TMCO4: variants seen among roughly 807,000 people sequenced by gnomAD.
TMCO4 encodes the protein transmembrane and coiled-coil domain-containing protein 4.
Under a neutral mutation model 64.7 loss-of-function variants are expected in TMCO4, and 58 were observed. The observed-to-expected ratio is 0.90, with a 90% confidence interval of 0.73 to 1.12. TMCO4 has a LOEUF of 1.12. Among genes scored for constraint, TMCO4 ranks in the 50% most tolerant of loss-of-function variants. The probability of loss-of-function intolerance (pLI) is 0.00; values close to 1 mark genes in which losing one functional copy is unlikely to be tolerated. For missense variants in TMCO4, 780 were observed against 825.9 expected, an observed-to-expected ratio of 0.94 and a Z score of 0.68; for synonymous variants, 325 against 346.1, an observed-to-expected ratio of 0.94 and a Z score of 0.68.
chr1:19,718,335 A>AAAAT (rs1557505629), intron 13 of TMCO4, among the ~76,000 whole-genome samples: 8 of 151,166 alleles, frequency 5.3e-5, no homozygotes, highest in South Asian at 2.1e-4. Context: ...ACTCCATCTC[A>AAAAT]AAATAAATAA....
intron 10 of TMCO4, among the ~76,000 whole-genome samples, chr1:19,744,540 C>T (rs1034643124): frequency 6.6e-6 from 1 of 152,156 alleles, no homozygotes; most frequent in Non-Finnish European, 1.5e-5. Flanking sequence ...TTGCTCTCTT[C>T]CACTTGCTCT....
At chr1:19,700,242 G>A (rs2095262893) in intron 14 of TMCO4, among the ~76,000 whole-genome samples, 1 of 152,084 alleles carries the variant, frequency 6.6e-6, no homozygotes, top group Admixed American at 6.6e-5. Context: ...TCTGGCTGGA[G>A]GGTCTGTCAC....
Position 19,742,170 on chromosome 1 carries a change from C to T in TMCO4, c.878-1229G>A, listed in dbSNP as rs78282940. On this transcript the variant is annotated intron_variant, in intron 10 of 15. Coordinates refer to ENST00000294543, the MANE Select transcript of TMCO4 (RefSeq NM_181719.7). ...GATTCCAGTCCAATCGCCTCTTCCA[C>T]GGGGAAGCCTTCCCGGCTCCTCTGA... Among the ~76,000 whole-genome samples, 1,078 of 152,272 alleles carry T rather than the reference C, an allele frequency of 7.1e-3. 11 individuals are homozygous for T. Among genetic ancestry groups the T allele is most frequent in the African/African-American group, 0.024 (978 of 41,548 alleles).
At chr1:19,771,749 C>T (rs1232306390) in intron 4 of TMCO4, among the ~76,000 whole-genome samples, 4 of 152,112 alleles carry the variant, frequency 2.6e-5, no homozygotes, top group Non-Finnish European at 4.4e-5. Flanking sequence ...CTCTGCCTCC[C>T]GGGTTCAAGT....
chr1:19,795,079 C>T (rs1206701091), intron 2 of TMCO4, among the ~76,000 whole-genome samples: 3 of 151,788 alleles, frequency 2.0e-5, no homozygotes, highest in African/African-American at 7.3e-5. Flanking sequence ...TGTTGCACAA[C>T]GATGTGAATA....
intron 13 of TMCO4, among the ~76,000 whole-genome samples, chr1:19,710,878 T>C (rs966074738): frequency 2.6e-5 from 4 of 152,224 alleles, no homozygotes; most frequent in Non-Finnish European, 2.9e-5. Context: ...GCCAAGAGCA[T>C]GTGGCCTTTT....
chr1:19,790,057 GA>G (rs545785612), intron 2 of TMCO4, among the ~76,000 whole-genome samples: 3,334 of 85,352 alleles, frequency 0.039, 110 homozygotes, highest in African/African-American at 0.11. Flanking sequence ...CTCTGCCTCA[GA>G]AAAAAAAAAA....
At chr1:19,723,377 T>G (rs1464816986) in intron 13 of TMCO4, among the ~76,000 whole-genome samples, 1 of 152,202 alleles carries the variant, frequency 6.6e-6, no homozygotes, top group Non-Finnish European at 1.5e-5. Context: ...TCGATGCCAC[T>G]GGCCAGGACC....
At chr1:19,738,115 G>C (rs2095463809) in intron 12 of TMCO4, 1 of 152,376 alleles carries the variant, frequency 6.6e-6, no homozygotes, top group Non-Finnish European at 1.5e-5. Flanking sequence ...AAGGAGAGGA[G>C]GGGAGTGGAT....
At chr1:19,740,136 T>C (rs2095472645) in intron 11 of TMCO4, among the ~76,000 whole-genome samples, 176 bp from the exon 12 acceptor site, 1 of 152,204 alleles carries the variant, frequency 6.6e-6, no homozygotes, top group East Asian at 1.9e-4. Flanking sequence ...TTCTGATATA[T>C]GGACTCAATC....
chr1:19,745,557 C>T lies in TMCO4; in HGVS notation c.852G>A (p.Thr284=), dbSNP rs373031145. The change falls in exon 10 of 16, where the codon ACG becomes ACA. Residue 284 remains threonine (T), a synonymous_variant. Transcript: ENST00000294543. ...GRQLHITIAV[T]GWLASGKYRT... is the part of the protein sequence containing the mutation. ...GGTATTTGCCAGAAGCGAGCCACCC[C>T]GTGACGGCGATGGTGATGTGCAGCT... The T allele has an allele frequency of 2.9e-5, 47 of 1,614,162 alleles. No homozygotes were observed. Among genetic ancestry groups the T allele is most frequent in the African/African-American group, 6.7e-5 (5 of 75,048 alleles).
chr1:19,698,298 G>A (rs573425959), intron 14 of TMCO4, among the ~76,000 whole-genome samples: 8 of 152,312 alleles, frequency 5.3e-5, no homozygotes, highest in East Asian at 3.9e-4. Context: ...CAAGGAGCCC[G>A]CCTGAGGACT....
At position 19,799,907 on chromosome 1, in the gene TMCO4, CCT is replaced by C. The variant is rs1436071276; in HGVS notation, c.-234_-233del. On this transcript the variant is annotated 5_prime_UTR_variant, in exon 1 of 16. Transcript: ENST00000294543. ...GAGGCGGCAAAACCGGCGAGCGGCT[CCT>C]CCCGCCCGGCCCGGCCCGGCCCCTC... The C allele has an allele frequency of 6.6e-6, 1 of 151,836 alleles. No homozygotes were observed. Among genetic ancestry groups the C allele is most frequent in the Non-Finnish European group, 1.5e-5 (1 of 67,714 alleles). The allele number at this position is 151,836 out of a possible 1,614,324, so 9.4% of individuals were successfully genotyped here.
intron 6 of TMCO4, among the ~76,000 whole-genome samples, chr1:19,767,231 C>T (rs1455212973): frequency 1.3e-5 from 2 of 152,132 alleles, no homozygotes; most frequent in Non-Finnish European, 2.9e-5. Flanking sequence ...TCGGTTTGTT[C>T]ATCTGTAAAG....
chr1:19,690,070 A>C (rs2095180001), intron 15 of TMCO4, among the ~76,000 whole-genome samples: 1 of 152,182 alleles, frequency 6.6e-6, no homozygotes, highest in African/African-American at 2.4e-5. Context: ...AGACTCAGCC[A>C]CATTGTGGGG....
intron 13 of TMCO4, among the ~76,000 whole-genome samples, chr1:19,704,133 C>G (rs1301291606): frequency 6.6e-6 from 1 of 152,212 alleles, no homozygotes; most frequent in Non-Finnish European, 1.5e-5. Context: ...ACCAAGCTCT[C>G]TGAGTTCCCC....
chr1:19,703,650 C>T (rs1433700249), intron 13 of TMCO4, among the ~76,000 whole-genome samples: 5 of 151,562 alleles, frequency 3.3e-5, no homozygotes, highest in Admixed American at 2.6e-4. Context: ...CAGGTTCAAG[C>T]GATCCTCCTG....
chr1:19,778,786 G>C (rs974286535), intron 4 of TMCO4, among the ~76,000 whole-genome samples: 3 of 152,108 alleles, frequency 2.0e-5, no homozygotes, highest in African/African-American at 7.2e-5. Context: ...TTCTTTTCAC[G>C]AACCTTTACC....
intron 15 of TMCO4, among the ~76,000 whole-genome samples, chr1:19,685,642 T>C (rs2095141194): frequency 6.6e-6 from 1 of 151,236 alleles, no homozygotes; most frequent in Non-Finnish European, 1.5e-5. Context: ...CACACGGAGG[T>C]AAAGTGACTT....
Sources: gnomAD v4.1 joint callset for allele counts (sites outside exome capture counted in the v4.1 genomes callset) on GRCh38, gnomAD v4.1.1 for gene constraint, MANE v1.5 for transcripts, NCBI Gene and HGNC (gene_info 2026-07-23, HGNC 2026-07-21) for gene names.